The following CDC37L1 variants were observed in gnomAD, a reference collection of about 807,000 sequenced individuals.
CDC37L1 encodes the protein cell division cycle 37 like 1, HSP90 cochaperone.
A neutral mutation model predicts 45.9 loss-of-function variants in CDC37L1; 32 were observed. The observed-to-expected ratio is 0.70, with a 90% confidence interval of 0.53 to 0.94. The LOEUF is 0.94. Among genes scored for constraint, CDC37L1 ranks in the 40% least tolerant of loss-of-function variants. The pLI is 0.00. For missense variants in CDC37L1, 434 were observed against 405.7 expected, an observed-to-expected ratio of 1.07 and a Z score of -0.60; for synonymous variants, 150 against 133.0, an observed-to-expected ratio of 1.13 and a Z score of -0.88.
chr9:4,688,006 A>AT lies in CDC37L1; in HGVS notation c.415-500dup, dbSNP rs548114349. Among the ~76,000 whole-genome samples the AT allele has an allele frequency of 1.5e-4, 23 of 152,160 alleles. No homozygotes were observed. The East Asian group carries it at 4.2e-3, about 28-fold the overall frequency. Reference sequence around the variant, plus strand: ...CTATATCCACACATATATCGTATGTATTTTTTTGTGAGATGGAGTCTTGTT... The same window carrying AT: ...CTATATCCACACATATATCGTATGTATTTTTTTTGTGAGATGGAGTCTTGTT... On this transcript the variant is annotated intron_variant, in intron 2 of 6. Coordinates refer to ENST00000381854, the MANE Select transcript of CDC37L1 (RefSeq NM_017913.4).
intron 1 of CDC37L1, 115 bp downstream of exon 1, chr9:4,680,014 A>G (rs2295965): frequency 0.37 from 502,234 of 1,350,450 alleles, 98,291 homozygotes; most frequent in East Asian, 0.61. Context: ...CCTCACTGCC[A>G]GGGGCCGGGG....
At chr9:4,683,037 A>ATAAAATATATTT (rs1436505346) in intron 1 of CDC37L1, among the ~76,000 whole-genome samples, 3 of 142,934 alleles carry the variant, frequency 2.1e-5, no homozygotes, top group East Asian at 2.0e-4. Context: ...ATATTTATAT[A>ATAAAATATATTT]TAAAATATAT....
At chr9:4,684,153 A>G (rs1841224281) in intron 1 of CDC37L1, among the ~76,000 whole-genome samples, 1 of 152,128 alleles carries the variant, frequency 6.6e-6, no homozygotes, top group South Asian at 2.1e-4. Flanking sequence ...GCATGGTGGC[A>G]CATGCCTGTA....
At position 4,685,126 on chromosome 9, in the gene CDC37L1, A is replaced by T. The variant is rs528961924; in HGVS notation, c.382A>T (p.Thr128Ser). The T allele has an allele frequency of 9.3e-6, 15 of 1,613,950 alleles. No homozygotes were observed. In the African/African-American group the frequency reaches 1.9e-4, roughly 20 times the overall value. ...VQREKMCLWSTDAISKDVFNK... is the reference protein window; with the variant it reads ...VQREKMCLWSSDAISKDVFNK... ...AAGAGAGAAGATGTGTCTGTGGAGC[A>T]CGGATGCCATTAGCAAGGATGTTTT... The change falls in exon 2 of 7, where the codon ACG becomes TCG. Residue 128 changes from threonine to serine, a missense_variant. Coordinates refer to ENST00000381854, the MANE Select transcript of CDC37L1 (RefSeq NM_017913.4).
At chr9:4,685,396 T>C (rs1370653048) in intron 2 of CDC37L1, 1 of 386,464 alleles carries the variant, frequency 2.6e-6, no homozygotes, top group Non-Finnish European at 4.8e-6. Flanking sequence ...ATAAATGTAC[T>C]GCTGAACAAA....
intron 3 of CDC37L1, among the ~76,000 whole-genome samples, chr9:4,690,087 A>G (rs1841286990): frequency 6.6e-6 from 1 of 152,234 alleles, no homozygotes; most frequent in Admixed American, 6.5e-5. Context: ...ATCTGGCACT[A>G]TGTATCTTCA....
At position 4,706,620 on chromosome 9, in the gene CDC37L1, G is replaced by T. The variant is rs1271966896; in HGVS notation, c.*508G>T. ...GTTGGTAATGTACTTTACTAAATAA[G>T]TTGGGGGGTACAATTTTTAAAAGTC... is the stretch of plus-strand genomic sequence containing the variant. On this transcript the variant is annotated 3_prime_UTR_variant, in exon 7 of 7. Transcript: ENST00000381854. 6.6e-6 allele frequency: 1 copy of T among 152,598 alleles called. No homozygotes were observed. Among genetic ancestry groups the T allele is most frequent in the Non-Finnish European group, 1.5e-5 (1 of 68,034 alleles). 9.5% of individuals were successfully genotyped at this position (152,598 alleles called of 1,614,324 possible). A position where few individuals can be genotyped will look rare whatever the true frequency, so the allele number is the denominator to read the frequency against.
Position 4,701,844 on chromosome 9 carries a change from T to G in CDC37L1, c.748-20T>G. ...AATCTTGAAGAACACAGTCTTTGTT[T>G]TTTTTTTTGTTTTTTCTAGGCAGAG... On this transcript the variant is annotated intron_variant, in intron 5 of 6. Transcript: ENST00000381854. 4 of 1,566,494 alleles carry G rather than the reference T, an allele frequency of 2.6e-6. No homozygotes were observed. The highest frequency in any genetic ancestry group is 3.5e-6 in the Non-Finnish European group (4 of 1,157,358).
chr9:4,704,361 A>C (rs1038237247), intron 6 of CDC37L1, among the ~76,000 whole-genome samples: 7 of 152,304 alleles, frequency 4.6e-5, no homozygotes, highest in Non-Finnish European at 1.0e-4. Context: ...CAGACTGTGA[A>C]TCATATGTGT....
Position 4,679,616 on chromosome 9 carries a change from A to G in CDC37L1, c.-152A>G. The G allele has an allele frequency of 9.2e-6, 6 of 650,308 alleles. No individual in the cohort carries two copies. In the South Asian group the frequency reaches 9.6e-5, roughly 10 times the overall value. 40.3% of individuals were successfully genotyped at this position (650,308 alleles called of 1,614,324 possible). A position where few individuals can be genotyped will look rare whatever the true frequency, so the allele number is the denominator to read the frequency against. On this transcript the variant is annotated 5_prime_UTR_variant, in exon 1 of 7. Coordinates refer to ENST00000381854, the MANE Select transcript of CDC37L1 (RefSeq NM_017913.4). ...AGGCCCAGGCTGTCGCCGGGTGTGC[A>G]GCGGCGTCGCGGCCAGTAGAGGGAT...
At chr9:4,685,313 A>G (rs989503913) in intron 2 of CDC37L1, 155 bp downstream of exon 2, 1 of 607,704 alleles carries the variant, frequency 1.6e-6, no homozygotes, top group Non-Finnish European at 2.9e-6. Context: ...TGAAAGTCAA[A>G]AAGTCTCAAA....
chr9:4,690,795 A>G (rs956858498), intron 3 of CDC37L1, among the ~76,000 whole-genome samples: 2 of 152,228 alleles, frequency 1.3e-5, no homozygotes, highest in East Asian at 1.9e-4. Flanking sequence ...CAAAGGAGAT[A>G]TATTACTTGC....
chr9:4,691,418 T>C (rs1225644749), intron 3 of CDC37L1, among the ~76,000 whole-genome samples: 4 of 152,232 alleles, frequency 2.6e-5, no homozygotes, highest in African/African-American at 9.6e-5. Context: ...GGTGAGAATA[T>C]GCGGTATTTG....
chr9:4,706,772 C>T lies in CDC37L1; in HGVS notation c.*660C>T, dbSNP rs1314315066. The T allele has an allele frequency of 6.6e-6, 1 of 152,134 alleles. No homozygotes were observed. Among genetic ancestry groups the T allele is most frequent in the Non-Finnish European group, 1.5e-5 (1 of 68,004 alleles). 9.4% of individuals were successfully genotyped at this position (152,134 alleles called of 1,614,324 possible). A position where few individuals can be genotyped will look rare whatever the true frequency, so the allele number is the denominator to read the frequency against. On this transcript the variant is annotated 3_prime_UTR_variant, in exon 7 of 7. Coordinates refer to ENST00000381854, the MANE Select transcript of CDC37L1 (RefSeq NM_017913.4). Reference sequence around the variant, plus strand: ...CTATATTCCTTAGAATTTGATTTTACCCTGCTGACTTTAAGAGTTATAATA... The same window carrying T: ...CTATATTCCTTAGAATTTGATTTTATCCTGCTGACTTTAAGAGTTATAATA...
Position 4,706,101 on chromosome 9 carries a change from G to C in CDC37L1, c.1003G>C (p.Asp335His). The C allele has an allele frequency of 1.3e-6, 2 of 1,567,558 alleles. No homozygotes were observed. Among genetic ancestry groups the C allele is most frequent in the Non-Finnish European group, 1.8e-6 (2 of 1,137,918 alleles). The part of the protein sequence containing the change: ...HKEDDEPKMM[D>H]TV ...AGAAGATGATGAACCCAAAATGATG[G>C]ACACTGTATAATTTGGTTAAGACTG... Residue 335 changes from aspartate (D) to histidine (H), a missense_variant, in exon 7 of 7, where the codon GAC becomes CAC. Coordinates refer to ENST00000381854, the MANE Select transcript of CDC37L1 (RefSeq NM_017913.4).
Position 4,685,042 on chromosome 9 carries a change from G to T in CDC37L1, c.298G>T (p.Val100Leu). The T allele has an allele frequency of 6.2e-7, 1 of 1,614,104 alleles. No individual in the cohort carries two copies. The highest frequency in any genetic ancestry group is 1.1e-5 in the South Asian group (1 of 91,082). ...GGAGCATGCCAAAGCACAAACAGCA[G>T]TATCAGAACTGAGGCAACGGGAAGA... The part of the protein sequence containing the change: ...DQEHAKAQTA[V>L]SELRQREEEW... The change falls in exon 2 of 7, where the codon GTA becomes TTA. Residue 100 changes from valine (V) to leucine (L), a missense_variant. Coordinates refer to ENST00000381854, the MANE Select transcript of CDC37L1 (RefSeq NM_017913.4).
intron 6 of CDC37L1, among the ~76,000 whole-genome samples, chr9:4,704,646 G>GT (rs1317261541): frequency 1.3e-5 from 2 of 152,096 alleles, no homozygotes; most frequent in South Asian, 2.1e-4. Flanking sequence ...TCTTAAAGCT[G>GT]TTTTTTTGGA....
At position 4,697,222 on chromosome 9, in the gene CDC37L1, G is replaced by A; in HGVS notation, c.624+11G>A. 3 of 1,191,116 alleles carry A rather than the reference G, an allele frequency of 2.5e-6. No individual in the cohort carries two copies. The highest frequency in any genetic ancestry group is 2.5e-6 in the Non-Finnish European group (2 of 800,294). 73.8% of individuals were successfully genotyped at this position (1,191,116 alleles called of 1,614,324 possible). On this transcript the variant is annotated intron_variant, in intron 4 of 6. Coordinates refer to ENST00000381854, the MANE Select transcript of CDC37L1 (RefSeq NM_017913.4). ...CTGGAAGCTGAGAAGGTATTATTAT[G>A]TGAACCTTGAGTTTCTGGGAACCTT...
chr9:4,703,210 TA>T, intron 6 of CDC37L1: 1 of 1,211,604 alleles, frequency 8.3e-7, no homozygotes, highest in Admixed American at 3.5e-5. Flanking sequence ...CATAAAGTGC[TA>T]AAAATTGGGA....
Sources: gnomAD v4.1 joint callset for allele counts (sites outside exome capture counted in the v4.1 genomes callset) on GRCh38, gnomAD v4.1.1 for gene constraint, MANE v1.5 for transcripts, NCBI Gene and HGNC (gene_info 2026-07-23, HGNC 2026-07-21) for gene names.